The following KAT6A variants were observed in gnomAD, a reference collection of about 807,000 sequenced individuals.
The protein encoded by KAT6A is histone acetyltransferase KAT6A.
A neutral mutation model predicts 198.4 loss-of-function variants in KAT6A; 9 were observed. The observed-to-expected ratio is 0.05, with a 90% CI of 0.03 to 0.08. KAT6A has a LOEUF of 0.08. Among genes scored for constraint, KAT6A ranks in the 10% least tolerant of loss-of-function variants. The pLI, the probability that KAT6A is intolerant of heterozygous loss-of-function variation, is 1.00. For missense variants in KAT6A, 2,077 were observed against 2,509.9 expected, an observed-to-expected ratio of 0.83 and a Z score of 3.69; for synonymous variants, 890 against 883.0, an observed-to-expected ratio of 1.01 and a Z score of -0.14.
intron 3 of KAT6A, among the ~76,000 whole-genome samples, chr8:41,982,261 G>GTA (rs534722507): frequency 2.5e-3 from 386 of 151,846 alleles, no homozygotes; most frequent in Non-Finnish European, 4.6e-3. Context: ...CGGTATATAT[G>GTA]TATATATATG....
intron 16 of KAT6A, among the ~76,000 whole-genome samples, chr8:41,936,522 C>A (rs192052651): frequency 6.6e-6 from 1 of 152,314 alleles, no homozygotes; most frequent in East Asian, 1.9e-4. Flanking sequence ...CAGCATGAGA[C>A]ACTGGCAAAA....
chr8:41,996,633 T>C (rs1404926516), intron 2 of KAT6A, among the ~76,000 whole-genome samples: 1 of 152,128 alleles, frequency 6.6e-6, no homozygotes, highest in Non-Finnish European at 1.5e-5. Flanking sequence ...CTAGTTATCG[T>C]TGGAATTTGG....
At chr8:42,003,148 C>T (rs1026885486) in intron 2 of KAT6A, among the ~76,000 whole-genome samples, 8 of 152,174 alleles carry the variant, frequency 5.3e-5, no homozygotes, top group Non-Finnish European at 1.2e-4. Flanking sequence ...GACAAAAGAA[C>T]GGACTTGCTC....
At chr8:42,028,236 A>G (rs1431891241) in intron 2 of KAT6A, among the ~76,000 whole-genome samples, 1 of 152,146 alleles carries the variant, frequency 6.6e-6, no homozygotes, top group Admixed American at 6.5e-5. Context: ...TTCTGTAAAT[A>G]CCAGTCAGGT....
At chr8:42,026,813 T>C (rs1249535996) in intron 2 of KAT6A, among the ~76,000 whole-genome samples, 3 of 152,078 alleles carry the variant, frequency 2.0e-5, no homozygotes, top group Non-Finnish European at 4.4e-5. Flanking sequence ...TGAATACGAG[T>C]TGTGAGAGTG....
intron 2 of KAT6A, among the ~76,000 whole-genome samples, chr8:41,994,714 T>G (rs1825108243): frequency 6.6e-6 from 1 of 152,160 alleles, no homozygotes; most frequent in South Asian, 2.1e-4. Context: ...GTAACTTCTA[T>G]GAAGACTCTG....
At position 41,998,194 on chromosome 8, in the gene KAT6A, T is replaced by C. The variant is rs527420933; in HGVS notation, c.601-10631A>G. On this transcript the variant is annotated intron_variant, in intron 2 of 16. Transcript: ENST00000265713. The stretch of plus-strand genomic sequence containing the variant: ...AATGTCAGTCAATTCAAAGACAAAA[T>C]CCACACAAAACAATTAGAAACCAAT... Among the ~76,000 whole-genome samples, 11 of 152,190 alleles carry C rather than the reference T, an allele frequency of 7.2e-5. No individual in the cohort carries two copies. The South Asian group carries it at 2.1e-3, about 29-fold the overall frequency.
chr8:41,989,529 A>G (rs1226969627), intron 2 of KAT6A, among the ~76,000 whole-genome samples: 2 of 68,694 alleles, frequency 2.9e-5, no homozygotes, highest in Non-Finnish European at 6.2e-5. Flanking sequence ...ACATAACGTA[A>G]CGTGACGTGA....
At chr8:42,045,281 A>C (rs977080003) in intron 2 of KAT6A, among the ~76,000 whole-genome samples, 8 of 152,150 alleles carry the variant, frequency 5.3e-5, no homozygotes, top group Non-Finnish European at 1.0e-4. Context: ...AGTTAACACT[A>C]TAGGCAGGGT....
At chr8:41,948,948 G>A (rs1391953021) in intron 10 of KAT6A, among the ~76,000 whole-genome samples, 1 of 151,850 alleles carries the variant, frequency 6.6e-6, no homozygotes, top group African/African-American at 2.4e-5. Flanking sequence ...CTATTAAACA[G>A]ATCTCTGTGA....
chr8:41,957,467 T>C (rs989969028), intron 8 of KAT6A: 4 of 326,210 alleles, frequency 1.2e-5, no homozygotes, highest in Non-Finnish European at 1.8e-5. Flanking sequence ...CTAGGTCTTT[T>C]TATTTTAACA....
intron 2 of KAT6A, among the ~76,000 whole-genome samples, chr8:42,042,065 C>T (rs1267187578): frequency 6.6e-6 from 1 of 152,126 alleles, no homozygotes; most frequent in African/African-American, 2.4e-5. Flanking sequence ...TTATAAAATA[C>T]CACCATTCTA....
chr8:41,985,834 A>T (rs1824573671), intron 3 of KAT6A, among the ~76,000 whole-genome samples: 1 of 152,206 alleles, frequency 6.6e-6, no homozygotes, highest in Non-Finnish European at 1.5e-5. Flanking sequence ...TTCTGAACTA[A>T]ATCATGGTTG....
chr8:41,948,523 T>G (rs1380249698), intron 10 of KAT6A, among the ~76,000 whole-genome samples: 1 of 152,186 alleles, frequency 6.6e-6, no homozygotes, highest in Non-Finnish European at 1.5e-5. Flanking sequence ...CTGGCAGCCT[T>G]GTCTGTGTTC....
intron 8 of KAT6A, among the ~76,000 whole-genome samples, chr8:41,964,906 T>C (rs1312232323): frequency 2.0e-5 from 3 of 152,136 alleles, no homozygotes; most frequent in African/African-American, 7.2e-5. Context: ...GAGGAGACGA[T>C]GATAATAAAA....
At chr8:41,982,013 T>C (rs1824379573) in intron 3 of KAT6A, 59 bp from the exon 4 acceptor site, 4 of 960,340 alleles carry the variant, frequency 4.2e-6, no homozygotes, top group South Asian at 1.4e-5. Flanking sequence ...GCTATTATAG[T>C]ACTAAAGAAA....
intron 2 of KAT6A, among the ~76,000 whole-genome samples, chr8:42,033,560 T>C (rs564266562): frequency 1.3e-5 from 2 of 152,216 alleles, no homozygotes; most frequent in Non-Finnish European, 2.9e-5. Flanking sequence ...TTTCAGGAAC[T>C]ACTCTCTTTC....
rs778950477 is a variant in KAT6A at position 41,977,070 on chromosome 8, G to A, written c.1301C>T (p.Ser434Phe). 2 of 1,614,148 alleles carry A rather than the reference G, an allele frequency of 1.2e-6. No individual in the cohort carries two copies. The highest frequency in any genetic ancestry group is 1.7e-6 in the Non-Finnish European group (2 of 1,180,016). Residue 434 changes from serine (S) to phenylalanine (F), a missense_variant, in exon 7 of 17, where the codon TCT becomes TTT. By Grantham distance (155) the Ser-to-Phe change is radical. Coordinates refer to ENST00000265713, the MANE Select transcript of KAT6A (RefSeq NM_006766.5). ...RKARGEVVDY[S>F]EQYRIRKRGN... ...CCTCTTTCTGATTCGATATTGCTCAGAGTAGTCCACCACTTCCCCCCGAGC... is the reference window on the plus strand; with the variant it reads ...CCTCTTTCTGATTCGATATTGCTCAAAGTAGTCCACCACTTCCCCCCGAGC...
chr8:41,956,542 G>A (rs112759498), intron 8 of KAT6A, among the ~76,000 whole-genome samples: 2,471 of 152,184 alleles, frequency 0.016, 30 homozygotes, highest in Middle Eastern at 0.075. Context: ...ATATAAATCC[G>A]TTTAAAGAAG....
Sources: allele counts gnomAD v4.1 joint callset (sites outside exome capture counted in the v4.1 genomes callset), GRCh38; gene constraint gnomAD v4.1.1; transcripts MANE v1.5; gene names NCBI Gene and HGNC (gene_info 2026-07-23, HGNC 2026-07-21).